The following TRIM41 variants were observed in gnomAD, a reference collection of about 807,000 sequenced individuals.
The protein encoded by TRIM41 is tripartite motif containing 41.
TRIM41 carries 21 observed loss-of-function variants against 60.6 expected under a neutral mutation model. The ratio of observed to expected loss-of-function variants is 0.35; its 90% CI spans 0.25 to 0.50. TRIM41 has a LOEUF of 0.50. TRIM41 is among the 20% of genes least tolerant of loss of function. The pLI, the probability that TRIM41 is intolerant of heterozygous loss-of-function variation, is 0.98. For synonymous variants in TRIM41, 407 were observed against 344.9 expected, an observed-to-expected ratio of 1.18 and a Z score of -2.00; for missense variants, 846 against 868.3, an observed-to-expected ratio of 0.97 and a Z score of 0.32.
chr5:181,234,029 T>G lies in TRIM41; in HGVS notation c.1292-145T>G. The G allele has an allele frequency of 3.5e-6, 5 of 1,411,594 alleles. No individual in the cohort carries two copies. Among genetic ancestry groups the G allele is most frequent in the Non-Finnish European group, 3.9e-6 (4 of 1,023,782 alleles). The allele number at this position is 1,411,594 out of a possible 1,614,324, so 87.4% of individuals were successfully genotyped here. On this transcript the variant is annotated intron_variant, in intron 5 of 5. Transcript: ENST00000315073. The surrounding 1 kb of genome is among the most constrained non-coding windows in gnomAD (Gnocchi z 5.6). ...CTAGGAACAAGAGTGAGGAGCAAGA[T>G]GAGCCTGCAGGAATCTGAGGCTGGC...
chr5:181,223,503 G>C lies in TRIM41; in HGVS notation c.-497G>C, dbSNP rs1428686575. The C allele has an allele frequency of 2.4e-6, 1 of 411,278 alleles. No homozygotes were observed. Among genetic ancestry groups the C allele is most frequent in the East Asian group, 3.4e-5 (1 of 29,000 alleles). The allele number at this position is 411,278 out of a possible 1,614,324, so 25.5% of individuals were successfully genotyped here. A position where few individuals can be genotyped will look rare whatever the true frequency, so the allele number is the denominator to read the frequency against. ...TACCACAGAGACGCGGGCCTCCACC[G>C]TCCTAGCCCTCCCGCCCTGTTCTCT... is the stretch of plus-strand genomic sequence containing the variant. On this transcript the variant is annotated 5_prime_UTR_variant, in exon 1 of 6. Transcript: ENST00000315073.
intron 1 of TRIM41, chr5:181,229,531 AAC>A (rs1252129593): frequency 2.0e-5 from 3 of 152,274 alleles, no homozygotes; most frequent in Admixed American, 1.3e-4. Flanking sequence ...AAATTGTAGA[AAC>A]ACAGAGCTCG....
rs1278882564 is a variant in TRIM41, at chr5:181,234,421, G to A, written c.1539G>A (p.Val513=). ...AATCAACCCATCATAAGGAAAAGGT[G>A]GGCCCTGGGGGTTCCTCCGTGGGCA... ...ARESTHHKEK[V]GPGGSSVGSG... is the part of the protein sequence containing the mutation. Residue 513 remains valine (V), a synonymous_variant, in exon 6 of 6, where the codon GTG becomes GTA. Transcript: ENST00000315073. This position sits in a 1 kb window ranked among gnomAD's most constrained non-coding sequence, Gnocchi z 5.6. 6.3e-7 allele frequency: 1 copy of A among 1,586,952 alleles called. No homozygotes were observed. The highest frequency in any genetic ancestry group is 8.6e-7 in the Non-Finnish European group (1 of 1,167,190).
chr5:181,224,328 G>T lies in TRIM41; in HGVS notation c.329G>T (p.Ser110Ile). The change falls in exon 1 of 6, where the codon AGT becomes ATT. Residue 110 changes from serine to isoleucine, a missense_variant. Coordinates refer to ENST00000315073, the MANE Select transcript of TRIM41 (RefSeq NM_033549.5). ...EEEEEGVFWT[S>I]GMSRSSWDNM... ...GAAGAAGAGGGTGTGTTCTGGACCAGTGGCATGAGCAGGTCCAGCTGGGAC... is the reference window on the plus strand; with the variant it reads ...GAAGAAGAGGGTGTGTTCTGGACCATTGGCATGAGCAGGTCCAGCTGGGAC... 6.2e-7 allele frequency: 1 copy of T among 1,614,090 alleles called. No homozygotes were observed. The highest frequency in any genetic ancestry group is 8.5e-7 in the Non-Finnish European group (1 of 1,180,006).
intron 1 of TRIM41, chr5:181,228,987 A>G (rs1758679329): frequency 6.6e-6 from 1 of 151,922 alleles, no homozygotes; most frequent in Non-Finnish European, 1.5e-5. Flanking sequence ...AGCGTTATAA[A>G]TTCTGAATTA....
chr5:181,223,403 C>A lies in TRIM41; in HGVS notation c.-597C>A, dbSNP rs972370694. ...CGGCCGCCAGGCGCTCCCCCTACCC[C>A]CCGAAGTTTCTCCCCAGCGGCGGGG... On this transcript the variant is annotated 5_prime_UTR_variant, in exon 1 of 6. Transcript: ENST00000315073. 1.0e-5 allele frequency: 4 copies of A among 400,058 alleles called. No individual in the cohort carries two copies. The highest frequency in any genetic ancestry group is 1.8e-5 in the Non-Finnish European group (4 of 227,150). 24.8% of individuals were successfully genotyped at this position (400,058 alleles called of 1,614,324 possible).
At chr5:181,224,876 T>G in intron 1 of TRIM41, 64 bp downstream of exon 1, 1 of 1,605,284 alleles carries the variant, frequency 6.2e-7, no homozygotes, top group Non-Finnish European at 8.5e-7. Flanking sequence ...TAAGGGGACC[T>G]GGGAAAAGGA....
At chr5:181,225,968 A>G (rs1458670728) in intron 1 of TRIM41, 2 of 152,202 alleles carry the variant, frequency 1.3e-5, no homozygotes, top group Non-Finnish European at 1.5e-5. Context: ...GATTCCTGCT[A>G]TAACTTCATT....
Position 181,234,174 on chromosome 5 carries a change from T to C in TRIM41, c.1292T>C (p.Val431Ala), listed in dbSNP as rs10059653. Residue 431 changes from valine to alanine, a missense_variant and splice_region_variant, in exon 6 of 6, where the codon GTG (valine) becomes GCG (alanine). Val to Ala is a moderately conservative substitution (Grantham distance 64). Transcript: ENST00000315073. This position sits in a 1 kb window ranked among gnomAD's most constrained non-coding sequence, Gnocchi z 5.6. ...MSRMFCQAAR[V>A]DLTLDPDTAH... ...GTATTTGTCCTCCCTCCCTCCCAAG[T>C]GGACCTGACGCTGGACCCTGACACG... The C allele has an allele frequency of 1.9e-4, 303 of 1,610,040 alleles. No homozygotes were observed. In the African/African-American group the frequency reaches 2.4e-3, roughly 13 times the overall value.
chr5:181,224,592 A>G lies in TRIM41; in HGVS notation c.593A>G (p.Asn198Ser). Residue 198 changes from asparagine (N) to serine (S), a missense_variant, in exon 1 of 6, where the codon AAC becomes AGC. By Grantham distance (46) the Asn-to-Ser change is conservative. Coordinates refer to ENST00000315073, the MANE Select transcript of TRIM41 (RefSeq NM_033549.5). ...KSFPRRSFRP[N>S]LQLANMVQVI... ...TTTCCTCGGCGGAGCTTCCGCCCCA[A>G]CCTGCAGCTGGCCAATATGGTCCAG... 6.2e-7 allele frequency: 1 copy of G among 1,614,166 alleles called. No homozygotes were observed. Among genetic ancestry groups the G allele is most frequent in the Non-Finnish European group, 8.5e-7 (1 of 1,180,014 alleles).
intron 2 of TRIM41, chr5:181,231,716 C>T (rs1758809689): frequency 6.6e-6 from 1 of 152,372 alleles, no homozygotes; most frequent in African/African-American, 2.4e-5. Context: ...TTTGGGCTCT[C>T]CTGGGTATAG....
At position 181,234,372 on chromosome 5, in the gene TRIM41, G is replaced by T; in HGVS notation, c.1490G>T (p.Gly497Val). 6.4e-7 allele frequency: 1 copy of T among 1,551,310 alleles called. No homozygotes were observed. The highest frequency in any genetic ancestry group is 8.7e-7 in the Non-Finnish European group (1 of 1,148,606). ...GAGGTAGAGGTGGGCGGGCGGCGGG[G>T]CTGGGCGGTGGGTGCTGCCCGTGAA... ...YWEVEVGGRR[G>V]WAVGAAREST... is the part of the protein sequence containing the mutation. Residue 497 changes from glycine (G) to valine (V), a missense_variant, in exon 6 of 6, where the codon GGC (glycine) becomes GTC (valine). Coordinates refer to ENST00000315073, the MANE Select transcript of TRIM41 (RefSeq NM_033549.5). The surrounding 1 kb of genome is among the most constrained non-coding windows in gnomAD (Gnocchi z 5.6).
chr5:181,234,670 G>T lies in TRIM41; in HGVS notation c.1788G>T (p.Glu596Asp). 1 of 1,614,232 alleles carries T rather than the reference G, an allele frequency of 6.2e-7. No homozygotes were observed. Among genetic ancestry groups the T allele is most frequent in the Non-Finnish European group, 8.5e-7 (1 of 1,180,046 alleles). Residue 596 changes from glutamate to aspartate, a missense_variant, in exon 6 of 6, where the codon GAG becomes GAT. By Grantham distance (45) the Glu-to-Asp change is conservative. Transcript: ENST00000315073. The surrounding 1 kb of genome is among the most constrained non-coding windows in gnomAD (Gnocchi z 5.6). ...GGCGCCTGGGCTTCTACAACGCAGA[G>T]ACTCTAGCCCACGTGCACACCTTCT... ...EAGRLGFYNA[E>D]TLAHVHTFSA...
chr5:181,230,523 A>AAAAT (rs1758749844), intron 1 of TRIM41: 1 of 239,016 alleles, frequency 4.2e-6, no homozygotes, highest in Non-Finnish European at 8.0e-6. Context: ...AAAAAAAAAA[A>AAAAT]AAATACACAC....
chr5:181,223,965 C>G lies in TRIM41; in HGVS notation c.-35C>G, dbSNP rs749005799. 5 of 1,574,982 alleles carry G rather than the reference C, an allele frequency of 3.2e-6. No homozygotes were observed. The highest frequency in any genetic ancestry group is 2.7e-5 in the African/African-American group (2 of 74,546). On this transcript the variant is annotated 5_prime_UTR_variant, in exon 1 of 6. Transcript: ENST00000315073. The stretch of plus-strand genomic sequence containing the variant: ...GGAAGACCCCCGCCCCTCGCCCCCC[C>G]ACCGAACCTCTACACTGGCTGGCTG...
chr5:181,235,644 G>C lies in TRIM41; in HGVS notation c.*869G>C. On this transcript the variant is annotated 3_prime_UTR_variant, in exon 6 of 6. Coordinates refer to ENST00000315073, the MANE Select transcript of TRIM41 (RefSeq NM_033549.5). ...GCTCTGAGGGGGAGCCTGGGGACGG[G>C]TTTGGGTCCCCAGGAGGAGAGCCTT... 1 of 527,416 alleles carries C rather than the reference G, an allele frequency of 1.9e-6. No homozygotes were observed. The allele number at this position is 527,416 out of a possible 1,614,324, so 32.7% of individuals were successfully genotyped here. A position where few individuals can be genotyped will look rare whatever the true frequency, so the allele number is the denominator to read the frequency against.
At chr5:181,231,215 C>T (rs1046650876) in intron 2 of TRIM41, 2 of 272,610 alleles carry the variant, frequency 7.3e-6, no homozygotes, top group East Asian at 1.7e-4. Context: ...CAGCCCTAAG[C>T]ATGAGGCGGA....
Position 181,234,058 on chromosome 5 carries a change from T to C in TRIM41, c.1292-116T>C, listed in dbSNP as rs1758932407. 1 of 1,545,486 alleles carries C rather than the reference T, an allele frequency of 6.5e-7. No homozygotes were observed. Among genetic ancestry groups the C allele is most frequent in the African/African-American group, 1.4e-5 (1 of 73,824 alleles). ...CCTGCAGGAATCTGAGGCTGGCCTC[T>C]GGGATGGTGTGGGGAGCTGGATTCA... is the stretch of plus-strand genomic sequence containing the variant. On this transcript the variant is annotated intron_variant, in intron 5 of 5. Transcript: ENST00000315073. The surrounding 1 kb of genome is among the most constrained non-coding windows in gnomAD (Gnocchi z 5.6).
chr5:181,225,779 C>G (rs750323872), intron 1 of TRIM41: 5 of 152,220 alleles, frequency 3.3e-5, no homozygotes, highest in South Asian at 2.1e-4. Flanking sequence ...CTCATTTTGA[C>G]TCTTCTTTGG....
Sources: allele counts gnomAD v4.1 joint callset, GRCh38; gene constraint gnomAD v4.1.1; non-coding constraint Gnocchi (gnomAD v3.1); transcripts MANE v1.5; gene names NCBI Gene and HGNC (gene_info 2026-07-23, HGNC 2026-07-21).